The following DMD variants were observed in gnomAD, a reference collection of about 807,000 sequenced individuals.
The protein encoded by DMD is dystrophin, also known as mutant dystrophin.
In DMD, 63 loss-of-function variants were observed where a neutral mutation model predicts 330.1. That is an observed-to-expected ratio of 0.19 (90% CI 0.16 to 0.24). The LOEUF is 0.24. Ranked by LOEUF, DMD falls within the 10% of genes least tolerant of loss-of-function variation. The probability of loss-of-function intolerance (pLI) is 1.00; values close to 1 mark genes in which losing one functional copy is unlikely to be tolerated. For missense variants in DMD, 3,344 were observed against 2,684.1 expected (o/e 1.25, Z -5.43); for synonymous variants, 1,223 against 959.8 (o/e 1.27, Z -5.07).
Position 32,637,566 on chromosome X carries a change from C to T in DMD, c.1331+6566G>A, listed in dbSNP as rs535164686. ...AATGTACTGTACTAGTCTGTTCTCA[C>T]GCTGCTAATTAAAGACATAATAGAG... On this transcript the variant is annotated intron_variant, in intron 11 of 78. Coordinates refer to ENST00000357033, the MANE Select transcript of DMD (RefSeq NM_004006.3). Among the ~76,000 whole-genome samples the T allele has an allele frequency of 1.2e-4, 13 of 111,522 alleles. No individual in the cohort carries two copies. In the East Asian group the frequency reaches 2.8e-3, roughly 24 times the overall value.
intron 19 of DMD, 29 bp from the exon 20 acceptor site, chrX:32,491,547 C>A: frequency 1.7e-6 from 2 of 1,181,985 alleles, no homozygotes; most frequent in Non-Finnish European, 2.3e-6. Context: ...TTAAATATAT[C>A]CCCTGAACCC....
At chrX:32,328,364 G>A (rs1435586372) in intron 41 of DMD, among the ~76,000 whole-genome samples, 1 of 111,722 alleles carries the variant, frequency 9.0e-6, no homozygotes, top group African/African-American at 3.2e-5. Context: ...TTATTTGTAA[G>A]TGTTAACGTT....
Position 31,209,652 on chromosome X carries a change from T to C in DMD, c.9409A>G (p.Asn3137Asp), listed in dbSNP as rs761654407. 8.3e-7 allele frequency: 1 copy of C among 1,211,784 alleles called. No homozygotes were observed. The highest frequency in any genetic ancestry group is 1.8e-5 in the South Asian group (1 of 56,937). The change falls in exon 65 of 79, where the codon AAC becomes GAC. Residue 3137 changes from asparagine to aspartate, a missense_variant. Coordinates refer to ENST00000357033, the MANE Select transcript of DMD (RefSeq NM_004006.3). ...SAACDALDQH[N>D]LKQNDQPMDI... Reference sequence around the variant, plus strand: ...ATGGGCTGGTCATTTTGCTTGAGGTTGTGCTGGTCCAAGGCATCACATGCA... The same window carrying C: ...ATGGGCTGGTCATTTTGCTTGAGGTCGTGCTGGTCCAAGGCATCACATGCA...
chrX:31,595,738 G>GTTT (rs5901989), intron 55 of DMD, among the ~76,000 whole-genome samples: 87 of 100,744 alleles, frequency 8.6e-4, no homozygotes, highest in African/African-American at 3.0e-3. Flanking sequence ...GACCTATGCT[G>GTTT]TTTTTTTTTT....
chrX:32,661,750 T>C (rs959005365), intron 9 of DMD, among the ~76,000 whole-genome samples: 1 of 111,362 alleles, frequency 9.0e-6, no homozygotes, highest in African/African-American at 3.3e-5. Context: ...ATATGGCATA[T>C]AATTTTTGCA....
chrX:32,795,582 A>G (rs2076124894), intron 7 of DMD, among the ~76,000 whole-genome samples: 1 of 112,043 alleles, frequency 8.9e-6, no homozygotes, highest in South Asian at 3.7e-4. Flanking sequence ...TGACCTCAAA[A>G]GCGCAGGCAA....
In DMD at chrX:32,758,106, C is replaced by T. The variant is rs754789614; in HGVS notation, c.649+51387G>A. Reference sequence around the variant, plus strand: ...AACAATGTTATCTTTATTAGCTTTTCCTTCTTCCTTGTCTCACTTTTCCAG... The same window carrying T: ...AACAATGTTATCTTTATTAGCTTTTTCTTCTTCCTTGTCTCACTTTTCCAG... On this transcript the variant is annotated intron_variant, in intron 7 of 78. Coordinates refer to ENST00000357033, the MANE Select transcript of DMD (RefSeq NM_004006.3). Among the ~76,000 whole-genome samples the T allele has an allele frequency of 8.9e-5, 10 of 112,002 alleles. No individual in the cohort carries two copies. In the South Asian group the frequency reaches 3.0e-3, roughly 33 times the overall value.
At chrX:32,660,964 A>G (rs1473180182) in intron 9 of DMD, among the ~76,000 whole-genome samples, 2 of 111,404 alleles carry the variant, frequency 1.8e-5, no homozygotes, top group Non-Finnish European at 1.9e-5. Flanking sequence ...CATCAAGAGC[A>G]CCAAAAACGC....
chrX:31,150,731 G>A (rs1161464516), intron 74 of DMD, among the ~76,000 whole-genome samples: 2 of 111,842 alleles, frequency 1.8e-5, no homozygotes, highest in Non-Finnish European at 3.8e-5. Flanking sequence ...TCCCATACTC[G>A]GAATGAACAT....
At chrX:32,065,777 G>A (rs1306130250) in intron 44 of DMD, among the ~76,000 whole-genome samples, 1 of 111,780 alleles carries the variant, frequency 8.9e-6, no homozygotes, top group African/African-American at 3.2e-5. Context: ...TCATATAAAA[G>A]TGGTCTTGTC....
chrX:32,581,341 A>C (rs2053633797), intron 13 of DMD, among the ~76,000 whole-genome samples: 1 of 112,295 alleles, frequency 8.9e-6, no homozygotes, highest in African/African-American at 3.2e-5. Context: ...AAACAGGGCA[A>C]CTTGACTCCT....
At position 32,629,665 on chromosome X, in the gene DMD, C is replaced by T; in HGVS notation, c.1331+14467G>A. Among the ~76,000 whole-genome samples, 2 of 110,371 alleles carry T rather than the reference C, an allele frequency of 1.8e-5. 1 individual carries two copies. The highest frequency in any genetic ancestry group is 7.7e-4 in the South Asian group (2 of 2,613). Reference sequence around the variant, plus strand: ...TTTCTCTGGTCATATGTTATACATTCTTATTAATTTTTATGTACCTGAGTA... The same window carrying T: ...TTTCTCTGGTCATATGTTATACATTTTTATTAATTTTTATGTACCTGAGTA... On this transcript the variant is annotated intron_variant, in intron 11 of 78. Transcript: ENST00000357033.
chrX:32,031,776 G>A (rs767497531), intron 44 of DMD, among the ~76,000 whole-genome samples: 1 of 111,620 alleles, frequency 9.0e-6, no homozygotes, highest in Non-Finnish European at 1.9e-5. Flanking sequence ...TACACAATCT[G>A]TTTAACACTA....
intron 52 of DMD, among the ~76,000 whole-genome samples, chrX:31,692,780 T>G (rs1363169479): frequency 9.0e-6 from 1 of 111,689 alleles, no homozygotes; most frequent in Non-Finnish European, 1.9e-5. Flanking sequence ...GCATCAGTAT[T>G]TAAAAGTTCT....
chrX:32,397,992 T>C lies in DMD; in HGVS notation c.4234-7811A>G, dbSNP rs560709622. On this transcript the variant is annotated intron_variant, in intron 30 of 78. Transcript: ENST00000357033. ...GATTGATGGAGGAACGTACCACTGT[T>C]AGATTAGTAATTTTGAAAGAGCCAG... Among the ~76,000 whole-genome samples, 7 of 111,214 alleles carry C rather than the reference T, an allele frequency of 6.3e-5. No homozygotes were observed. In the South Asian group the frequency reaches 1.1e-3, roughly 18 times the overall value.
intron 54 of DMD, among the ~76,000 whole-genome samples, chrX:31,652,812 A>C (rs1366746555): frequency 9.0e-6 from 1 of 111,058 alleles, no homozygotes; most frequent in Non-Finnish European, 1.9e-5. Flanking sequence ...GAGTGGGTCA[A>C]AGTACAACTA....
At chrX:31,844,327 AAGATC>A (rs2093373484) in intron 48 of DMD, among the ~76,000 whole-genome samples, 2 of 106,292 alleles carry the variant, frequency 1.9e-5, no homozygotes, top group South Asian at 4.1e-4. Context: ...TACTTTGTTA[AAGATC>A]AGATGGCTGT....
At chrX:31,490,026 A>C (rs141463747) in intron 57 of DMD, among the ~76,000 whole-genome samples, 1,963 of 112,034 alleles carry the variant, frequency 0.018, 49 homozygotes, top group African/African-American at 0.06. Flanking sequence ...CAGAAGACTT[A>C]GACTTAGTTT....
rs1237998550 is a variant in DMD, at chrX:31,796,846, T to C, written c.7310-22654A>G. ...TTCTGTTAGGTTCTGCAAGAGCTAG[T>C]TGCCAAATAACAGCCTGGCACTTCC... On this transcript the variant is annotated intron_variant, in intron 50 of 78. Transcript: ENST00000357033. 2.7e-5 allele frequency among the ~76,000 whole-genome samples: 3 copies of C among 111,018 alleles called. No homozygotes were observed. The Admixed American group carries it at 2.9e-4, about 11-fold the overall frequency.
Sources: gnomAD v4.1 joint callset for allele counts (sites outside exome capture counted in the v4.1 genomes callset) on GRCh38, gnomAD v4.1.1 for gene constraint, MANE v1.5 for transcripts, NCBI Gene and HGNC (gene_info 2026-07-23, HGNC 2026-07-21) for gene names.